Variants in KDM4C observed in about 807,000 individuals in gnomAD.
The protein encoded by KDM4C is lysine demethylase 4C, also known as lysine-specific demethylase 4C.
A neutral mutation model predicts 129.3 loss-of-function variants in KDM4C; 81 were observed. The ratio of observed to expected loss-of-function variants is 0.63; its 90% CI spans 0.52 to 0.75. KDM4C has a LOEUF of 0.75. Ranked by LOEUF, KDM4C falls within the 30% of genes least tolerant of loss-of-function variation. KDM4C has a pLI of 0.00. For synonymous variants in KDM4C, 573 were observed against 456.1 expected, an observed-to-expected ratio of 1.26 and a Z score of -3.26; for missense variants, 1,457 against 1,304.0, an observed-to-expected ratio of 1.12 and a Z score of -1.81.
chr9:6,990,305 A>G lies in KDM4C; in HGVS notation c.1678-111A>G, dbSNP rs1202933722. ...CTAGTTCCCCAAGAGGTAAACAACCACAAGATTTCTTCAACATTAAGTGAT... is the reference window on the plus strand; with the variant it reads ...CTAGTTCCCCAAGAGGTAAACAACCGCAAGATTTCTTCAACATTAAGTGAT... On this transcript the variant is annotated intron_variant, in intron 11 of 21. Coordinates refer to ENST00000381309, the MANE Select transcript of KDM4C (RefSeq NM_015061.6). 4.0e-6 allele frequency: 3 copies of G among 748,516 alleles called. No homozygotes were observed. The East Asian group carries it at 8.2e-5, about 21-fold the overall frequency. The allele number at this position is 748,516 out of a possible 1,614,324, so 46.4% of individuals were successfully genotyped here. A position where few individuals can be genotyped will look rare whatever the true frequency, so the allele number is the denominator to read the frequency against.
chr9:6,912,785 C>T (rs1275446332), intron 8 of KDM4C, among the ~76,000 whole-genome samples: 1 of 152,072 alleles, frequency 6.6e-6, no homozygotes, highest in Non-Finnish European at 1.5e-5. Flanking sequence ...GATGGTTGCT[C>T]CCGGAGATGT....
chr9:7,093,356 T>C (rs992907618), intron 17 of KDM4C, among the ~76,000 whole-genome samples: 3 of 152,286 alleles, frequency 2.0e-5, no homozygotes, highest in African/African-American at 7.2e-5. Flanking sequence ...ATGCTCCATC[T>C]TTTTTCATTA....
intron 1 of KDM4C, among the ~76,000 whole-genome samples, chr9:6,741,458 G>A (rs913087818): frequency 1.3e-5 from 2 of 152,046 alleles, no homozygotes; most frequent in Non-Finnish European, 2.9e-5. Context: ...CCGGGTACAT[G>A]CTATTTACTC....
intron 4 of KDM4C, among the ~76,000 whole-genome samples, chr9:6,818,421 G>T (rs1832502818): frequency 6.6e-6 from 1 of 152,210 alleles, no homozygotes; most frequent in South Asian, 2.1e-4. Context: ...ATTAGATGTT[G>T]CCCATAGGCA....
In KDM4C at chr9:6,735,937, G is replaced by C. The variant is rs1353186797; in HGVS notation, c.49+14940G>C. Among the ~76,000 whole-genome samples the C allele has an allele frequency of 2.0e-5, 3 of 152,198 alleles. No homozygotes were observed. In the East Asian group the frequency reaches 5.8e-4, roughly 29 times the overall value. ...GTTGAATGGCTTTGACCAAAATGCT[G>C]ATAGTATTATGGACAATAAAGTCCA... On this transcript the variant is annotated intron_variant, in intron 1 of 17. Coordinates refer to the KDM4C transcript ENST00000536108.
chr9:7,113,298 A>G lies in KDM4C; in HGVS notation c.2610+9428A>G, dbSNP rs147780843. Among the ~76,000 whole-genome samples the G allele has an allele frequency of 6.2e-3, 938 of 152,358 alleles. 8 individuals carry two copies. Among genetic ancestry groups the G allele is most frequent in the African/African-American group, 0.019 (770 of 41,590 alleles). On this transcript the variant is annotated intron_variant, in intron 18 of 21. Transcript: ENST00000381309. Reference sequence around the variant, plus strand: ...TCCCAGATGATAGAAAGTGAAGGTTAGATTTGCCTGGAAGGAGGAATATTT... The same window carrying G: ...TCCCAGATGATAGAAAGTGAAGGTTGGATTTGCCTGGAAGGAGGAATATTT...
chr9:6,956,148 A>C (rs1196888588), intron 8 of KDM4C, among the ~76,000 whole-genome samples: 1 of 152,220 alleles, frequency 6.6e-6, no homozygotes, highest in Non-Finnish European at 1.5e-5. Flanking sequence ...GTTAATGGGT[A>C]CAAAAAAATA....
intron 17 of KDM4C, among the ~76,000 whole-genome samples, chr9:7,089,250 AT>A (rs113100667): frequency 0.22 from 33,438 of 151,676 alleles, 3,935 homozygotes; most frequent in South Asian, 0.33. Context: ...ATTTTATTTT[AT>A]TTTTTTTGCA....
At chr9:6,768,995 A>G (rs1222170394) in intron 1 of KDM4C, among the ~76,000 whole-genome samples, 2 of 151,688 alleles carry the variant, frequency 1.3e-5, no homozygotes, top group Non-Finnish European at 2.9e-5. Context: ...CTGGTCTCGA[A>G]CTCCTGACCT....
At chr9:7,128,941 G>C (rs1840321965) in intron 19 of KDM4C, among the ~76,000 whole-genome samples, 1 of 152,096 alleles carries the variant, frequency 6.6e-6, no homozygotes, top group South Asian at 2.1e-4. Flanking sequence ...TTTTTAGAAG[G>C]GTGTTTTCAC....
At chr9:6,789,050 T>G (rs993412804) in intron 1 of KDM4C, among the ~76,000 whole-genome samples, 2 of 151,498 alleles carry the variant, frequency 1.3e-5, no homozygotes, top group South Asian at 2.1e-4. Flanking sequence ...ATTTTTGTTT[T>G]TTTTTTTTTT....
chr9:6,827,449 T>G (rs945034362), intron 4 of KDM4C, among the ~76,000 whole-genome samples: 7 of 152,212 alleles, frequency 4.6e-5, no homozygotes, highest in Non-Finnish European at 1.0e-4. Flanking sequence ...CATGGGAATC[T>G]TTTCACACCA....
At chr9:6,939,976 A>ACCTACCTT (rs1458974643) in intron 8 of KDM4C, among the ~76,000 whole-genome samples, 4,828 of 93,356 alleles carry the variant, frequency 0.052, 223 homozygotes, top group Middle Eastern at 0.095. Context: ...CTACCTACCT[A>ACCTACCTT]CCTTCCTTCC....
intron 15 of KDM4C, among the ~76,000 whole-genome samples, chr9:7,037,046 C>T (rs1395772070): frequency 1.3e-5 from 2 of 152,130 alleles, no homozygotes; most frequent in African/African-American, 2.4e-5. Flanking sequence ...GTGAGAGATC[C>T]TGTCTTCTCT....
In KDM4C at chr9:6,947,077, T is replaced by C. The variant is rs555075085; in HGVS notation, c.922-33848T>C. Among the ~76,000 whole-genome samples, 4 of 152,228 alleles carry C rather than the reference T, an allele frequency of 2.6e-5. No individual in the cohort carries two copies. The South Asian group carries it at 8.3e-4, about 32-fold the overall frequency. Reference sequence around the variant, plus strand: ...ATGAAAATGTCGTACTTTTGTAAATTAACAAAAACAAATATAGCCATGTGA... The same window carrying C: ...ATGAAAATGTCGTACTTTTGTAAATCAACAAAAACAAATATAGCCATGTGA... On this transcript the variant is annotated intron_variant, in intron 8 of 21. Coordinates refer to ENST00000381309, the MANE Select transcript of KDM4C (RefSeq NM_015061.6).
At chr9:6,797,096 G>T (rs1827892970) in intron 2 of KDM4C, among the ~76,000 whole-genome samples, 2 of 151,586 alleles carry the variant, frequency 1.3e-5, no homozygotes, top group Non-Finnish European at 2.9e-5. Context: ...AGCCTCCCAA[G>T]TAGCTGGGAC....
At chr9:6,816,925 G>A (rs1310899811) in intron 4 of KDM4C, among the ~76,000 whole-genome samples, 1 of 150,552 alleles carries the variant, frequency 6.6e-6, no homozygotes, top group African/African-American at 2.4e-5. Flanking sequence ...TATATATCCT[G>A]CGTATGAGGT....
chr9:7,048,041 T>A (rs1829655773), intron 16 of KDM4C, among the ~76,000 whole-genome samples: 1 of 152,098 alleles, frequency 6.6e-6, no homozygotes, highest in Non-Finnish European at 1.5e-5. Context: ...TAGGGTTTGC[T>A]TAATTTTTGA....
In KDM4C at chr9:7,013,864, C is replaced by G. The variant is rs1334902483; in HGVS notation, c.2045C>G (p.Thr682Ser). 1.7e-5 allele frequency: 27 copies of G among 1,613,950 alleles called. No individual in the cohort carries two copies. In the East Asian group the frequency reaches 6.0e-4, roughly 36 times the overall value. Reference sequence around the variant, plus strand: ...GAAGTCGTTACATCGGAGGGAAAGACTAAGCCCCTCATACCAGAGATGTGT... The same window carrying G: ...GAAGTCGTTACATCGGAGGGAAAGAGTAAGCCCCTCATACCAGAGATGTGT... The part of the protein sequence containing the change: ...LDEVVTSEGK[T>S]KPLIPEMCFI... The change falls in exon 14 of 22, where the codon ACT becomes AGT. Residue 682 changes from threonine (T) to serine (S), a missense_variant. By Grantham distance (58) the Thr-to-Ser change is moderately conservative. Coordinates refer to ENST00000381309, the MANE Select transcript of KDM4C (RefSeq NM_015061.6).
Sources: allele counts gnomAD v4.1 joint callset (sites outside exome capture counted in the v4.1 genomes callset), GRCh38; gene constraint gnomAD v4.1.1; transcripts MANE v1.5; gene names NCBI Gene and HGNC (gene_info 2026-07-23, HGNC 2026-07-21).